The following RARB variants were observed in gnomAD, a reference collection of about 807,000 sequenced individuals.
RARB encodes HBV-activated protein.
In RARB, 17 loss-of-function variants were observed where a neutral mutation model predicts 51.9. The ratio of observed to expected loss-of-function variants is 0.33; its 90% CI spans 0.22 to 0.49. The LOEUF is 0.49. Among genes scored for constraint, RARB ranks in the 20% least tolerant of loss-of-function variants. The pLI is 0.99. For missense variants in RARB, 369 were observed against 550.8 expected, an observed-to-expected ratio of 0.67 and a Z score of 3.30; for synonymous variants, 215 against 195.4, an observed-to-expected ratio of 1.10 and a Z score of -0.84.
chr3:24,838,107 G>T (rs9831237), intron 1 of RARB, among the ~76,000 whole-genome samples: 1 of 152,062 alleles, frequency 6.6e-6, no homozygotes, highest in African/African-American at 2.4e-5. Context: ...TTCCTTGCTG[G>T]CTGTCCGCTG....
rs552348526 is a variant in RARB at position 25,354,877 on chromosome 3, A to G, written c.179-106316A>G. ...TTTTGAACCACATACATTTGTTTGC[A>G]AAGTCTTTTTTTTTTTTTCTTTTCC... On this transcript the variant is annotated intron_variant, in intron 5 of 11. Coordinates refer to the RARB transcript ENST00000383772. Among the ~76,000 whole-genome samples, 16 of 76,522 alleles carry G rather than the reference A, an allele frequency of 2.1e-4. 1 individual carries two copies. Among genetic ancestry groups the G allele is most frequent in the South Asian group, 1.9e-3 (3 of 1,574 alleles). The allele number at this position is 76,522 out of a possible 152,430, so 50.2% of individuals were successfully genotyped here.
At chr3:25,373,853 A>C (rs1706377601) in intron 5 of RARB, among the ~76,000 whole-genome samples, 1 of 152,166 alleles carries the variant, frequency 6.6e-6, no homozygotes, top group Non-Finnish European at 1.5e-5. Context: ...GATCCAGGTA[A>C]TGGGGGACTA....
rs142639445 is a variant in RARB, at chr3:25,053,143, T to C, written c.-379-6982T>C. On this transcript the variant is annotated intron_variant, in intron 2 of 11. Coordinates refer to the RARB transcript ENST00000383772. ...GGGAGAGATTATAGTTTTTAAGCAA[T>C]TGAAGCGACGTAATTAACCTAGTAA... Among the ~76,000 whole-genome samples the C allele has an allele frequency of 1.8e-3, 267 of 152,212 alleles. 2 individuals are homozygous for C. The highest frequency in any genetic ancestry group is 2.7e-3 in the Non-Finnish European group (181 of 68,006).
intron 5 of RARB, among the ~76,000 whole-genome samples, chr3:25,262,739 C>A (rs555254917): frequency 6.6e-6 from 1 of 152,124 alleles, no homozygotes; most frequent in Admixed American, 6.6e-5. Context: ...TAAGGTCAGC[C>A]GGTTAGCAAG....
chr3:25,419,821 C>T (rs1313064666), intron 5 of RARB, among the ~76,000 whole-genome samples: 1 of 152,144 alleles, frequency 6.6e-6, no homozygotes, highest in Non-Finnish European at 1.5e-5. Flanking sequence ...ACCTCCCATG[C>T]TTATGTGTTA....
intron 2 of RARB, among the ~76,000 whole-genome samples, chr3:24,874,983 T>G (rs565296581): frequency 6.6e-6 from 1 of 152,256 alleles, no homozygotes; most frequent in South Asian, 2.1e-4. Context: ...CTAATGCTTA[T>G]TAATATCTTT....
At chr3:24,932,647 A>G (rs1304723270) in intron 2 of RARB, among the ~76,000 whole-genome samples, 1 of 152,100 alleles carries the variant, frequency 6.6e-6, no homozygotes, top group Non-Finnish European at 1.5e-5. Context: ...CTAATTTGAT[A>G]TTTTTAGATT....
rs1701859935 is a variant in RARB, at chr3:25,596,930, A to C, written c.*314A>C. 1 of 225,332 alleles carries C rather than the reference A, an allele frequency of 4.4e-6. No individual in the cohort carries two copies. Among genetic ancestry groups the C allele is most frequent in the Admixed American group, 5.1e-5 (1 of 19,626 alleles). The allele number at this position is 225,332 out of a possible 1,614,324, so 14.0% of individuals were successfully genotyped here. A position where few individuals can be genotyped will look rare whatever the true frequency, so the allele number is the denominator to read the frequency against. On this transcript the variant is annotated 3_prime_UTR_variant, in exon 8 of 8. Transcript: ENST00000330688. ...AGTCAAAATGATTTACCCCTGGTTA[A>C]GTTTCTGAAGACTTTGTACATACAG...
At chr3:24,915,781 T>C (rs1695094994) in intron 2 of RARB, among the ~76,000 whole-genome samples, 1 of 152,306 alleles carries the variant, frequency 6.6e-6, no homozygotes, top group African/African-American at 2.4e-5. Context: ...TGCTAATATG[T>C]TGATCCTGGG....
intron 5 of RARB, among the ~76,000 whole-genome samples, chr3:25,366,655 A>C (rs1706128383): frequency 1.3e-5 from 2 of 152,234 alleles, no homozygotes; most frequent in Admixed American, 1.3e-4. Flanking sequence ...ACTGTTTTCA[A>C]AAAGCCTACA....
chr3:25,140,097 TG>T (rs1700086338), intron 4 of RARB, among the ~76,000 whole-genome samples: 1 of 151,666 alleles, frequency 6.6e-6, no homozygotes, highest in African/African-American at 2.4e-5. Flanking sequence ...TTTTTTTTGT[TG>T]GTTTGTTTGT....
intron 5 of RARB, among the ~76,000 whole-genome samples, chr3:25,587,801 G>A (rs1469913084): frequency 6.6e-6 from 1 of 152,216 alleles, no homozygotes; most frequent in Non-Finnish European, 1.5e-5. Flanking sequence ...TGTCGAATCA[G>A]ATCAGGATCT....
chr3:24,836,490 T>C (rs1017662646), intron 1 of RARB, among the ~76,000 whole-genome samples: 1 of 152,206 alleles, frequency 6.6e-6, no homozygotes, highest in African/African-American at 2.4e-5. Context: ...CCTCACATAA[T>C]AGCTACATTG....
chr3:25,102,082 T>G (rs1232390955), intron 3 of RARB, among the ~76,000 whole-genome samples: 1 of 152,178 alleles, frequency 6.6e-6, no homozygotes, highest in Non-Finnish European at 1.5e-5. Flanking sequence ...TTGAAAGATA[T>G]GTACAGGTGC....
intron 3 of RARB, among the ~76,000 whole-genome samples, chr3:25,505,577 G>T (rs1416167848): frequency 2.5e-4 from 37 of 148,914 alleles, no homozygotes; most frequent in African/African-American, 8.5e-4. Context: ...AAATGCTGCT[G>T]GGTATACCTT....
chr3:25,183,768 C>G (rs922113919), intron 5 of RARB, among the ~76,000 whole-genome samples: 1 of 152,128 alleles, frequency 6.6e-6, no homozygotes, highest in African/African-American at 2.4e-5. Context: ...GACAGTCTTT[C>G]AACAGTCAAA....
intron 3 of RARB, among the ~76,000 whole-genome samples, chr3:25,532,764 A>C (rs923902512): frequency 3.3e-5 from 5 of 152,210 alleles, no homozygotes; most frequent in African/African-American, 1.2e-4. Flanking sequence ...CTAATGTGAG[A>C]ATTTAACTTC....
At chr3:25,204,181 T>A (rs937021106) in intron 5 of RARB, among the ~76,000 whole-genome samples, 2 of 152,220 alleles carry the variant, frequency 1.3e-5, no homozygotes, top group Non-Finnish European at 2.9e-5. Flanking sequence ...ATTAATTTGA[T>A]CTTCAATCAT....
intron 3 of RARB, among the ~76,000 whole-genome samples, chr3:25,534,317 G>C (rs931362303): frequency 6.6e-6 from 1 of 152,104 alleles, no homozygotes; most frequent in African/African-American, 2.4e-5. Flanking sequence ...TACCGTGCTT[G>C]GGTACTTTGT....
Sources: allele counts gnomAD v4.1 joint callset (sites outside exome capture counted in the v4.1 genomes callset), GRCh38; gene constraint gnomAD v4.1.1; transcripts MANE v1.5; gene names NCBI Gene and HGNC (gene_info 2026-07-23, HGNC 2026-07-21).